Variants in BIRC6 observed in about 807,000 individuals in gnomAD.
BIRC6 encodes the protein baculoviral IAP repeat containing 6.
A neutral mutation model predicts 503.3 loss-of-function variants in BIRC6; 98 were observed. The ratio of observed to expected loss-of-function variants is 0.19; its 90% CI spans 0.17 to 0.23. The LOEUF (loss-of-function observed/expected upper bound fraction) is 0.23, where lower values mean the gene tolerates loss of function less well. Ranked by LOEUF, BIRC6 falls within the 10% of genes least tolerant of loss-of-function variation. The pLI is 1.00. For synonymous variants in BIRC6, 2,240 were observed against 2,078.7 expected (o/e 1.08, Z -2.11); for missense variants, 5,360 against 5,806.0 (o/e 0.92, Z 2.50).
At chr2:32,431,153 T>A in intron 12 of BIRC6, 63 bp downstream of exon 12, 1 of 774,180 alleles carries the variant, frequency 1.3e-6, no homozygotes, top group Non-Finnish European at 2.1e-6. Flanking sequence ...AGAGACAACG[T>A]AGAATTCCTA....
At chr2:32,483,406 T>A (rs1254464103) in intron 39 of BIRC6, among the ~76,000 whole-genome samples, 4 of 152,196 alleles carry the variant, frequency 2.6e-5, no homozygotes, top group Admixed American at 2.6e-4. Context: ...CATTTGAGAG[T>A]ACGTTGGTAA....
intron 65 of BIRC6, among the ~76,000 whole-genome samples, chr2:32,553,247 A>G (rs1245582182): frequency 2.3e-5 from 3 of 129,002 alleles, no homozygotes; most frequent in Non-Finnish European, 4.8e-5. Context: ...TAAATTCCTG[A>G]TATTTCATCT....
chr2:32,542,440 TC>T (rs2057736854), intron 61 of BIRC6, among the ~76,000 whole-genome samples: 1 of 152,120 alleles, frequency 6.6e-6, no homozygotes, highest in Non-Finnish European at 1.5e-5. Flanking sequence ...CCCTCAGGCA[TC>T]AAAATTAATA....
intron 67 of BIRC6, 141 bp downstream of exon 67, chr2:32,594,201 A>C: frequency 1.1e-6 from 1 of 890,170 alleles, no homozygotes; most frequent in Non-Finnish European, 1.7e-6. Context: ...GTTCTCTGTT[A>C]GATTTTGTTC....
chr2:32,490,508 C>T (rs1250087844), intron 43 of BIRC6, among the ~76,000 whole-genome samples: 1 of 152,170 alleles, frequency 6.6e-6, no homozygotes, highest in African/African-American at 2.4e-5. Flanking sequence ...GCACACCAGC[C>T]TAGGTGACAG....
At chr2:32,374,084 A>G (rs754731773) in intron 1 of BIRC6, among the ~76,000 whole-genome samples, 4 of 152,216 alleles carry the variant, frequency 2.6e-5, no homozygotes, top group Non-Finnish European at 5.9e-5. Context: ...TTTAAAGCGT[A>G]CAGAGTTTCC....
At chr2:32,378,044 A>G (rs1327276989) in intron 2 of BIRC6, among the ~76,000 whole-genome samples, 1 of 152,172 alleles carries the variant, frequency 6.6e-6, no homozygotes, top group African/African-American at 2.4e-5. Flanking sequence ...CTTAAACAGG[A>G]TAGCTTGTTT....
intron 69 of BIRC6, 22 bp from the exon 70 acceptor site, chr2:32,599,717 T>C (rs2061927414): frequency 1.9e-6 from 3 of 1,601,384 alleles, no homozygotes; most frequent in Non-Finnish European, 2.6e-6. Flanking sequence ...ACATAGACTT[T>C]TGTATGTTTA....
intron 6 of BIRC6, among the ~76,000 whole-genome samples, chr2:32,398,065 G>T (rs1202016177): frequency 6.6e-6 from 1 of 152,092 alleles, no homozygotes; most frequent in African/African-American, 2.4e-5. Context: ...AATTGTAAAG[G>T]GGAAAGGAAA....
At position 32,477,439 on chromosome 2, in the gene BIRC6, A is replaced by C. The variant is rs1416648313; in HGVS notation, c.6924A>C (p.Thr2308=). Residue 2308 remains threonine (T), a synonymous_variant, in exon 35 of 74, where the codon ACA becomes ACC. Coordinates refer to ENST00000421745, the MANE Select transcript of BIRC6 (RefSeq NM_016252.4). ...WSRSNLDTEV[T]TAKESPEIEP... ...GTTCTAATTTAGACACAGAAGTTAC[A>C]ACAGCAAAAGAAAGTCCTGAGATAG... 6.2e-7 allele frequency: 1 copy of C among 1,614,020 alleles called. No homozygotes were observed. Among genetic ancestry groups the C allele is most frequent in the Non-Finnish European group, 8.5e-7 (1 of 1,179,896 alleles).
chr2:32,595,028 T>TA lies in BIRC6; in HGVS notation c.13502-4dup. ...ATGTTATTTATCTTGAAATATTAAA[T>TA]AACAGAAAAAAAACTGGGTGAATAC... On this transcript the variant is annotated splice_polypyrimidine_tract_variant and splice_region_variant and intron_variant, in intron 67 of 73. Coordinates refer to ENST00000421745, the MANE Select transcript of BIRC6 (RefSeq NM_016252.4). 6.5e-7 allele frequency: 1 copy of TA among 1,530,890 alleles called. No individual in the cohort carries two copies. The highest frequency in any genetic ancestry group is 8.9e-7 in the Non-Finnish European group (1 of 1,127,644). 94.8% of individuals were successfully genotyped at this position (1,530,890 alleles called of 1,614,324 possible). A position where few individuals can be genotyped will look rare whatever the true frequency, so the allele number is the denominator to read the frequency against.
At chr2:32,384,474 TATA>T (rs1308995748) in intron 3 of BIRC6, among the ~76,000 whole-genome samples, 1 of 152,074 alleles carries the variant, frequency 6.6e-6, no homozygotes, top group Admixed American at 6.6e-5. Flanking sequence ...CAATGGACTA[TATA>T]ATATTACGGC....
chr2:32,578,195 C>G (rs529721769), intron 66 of BIRC6, among the ~76,000 whole-genome samples: 6 of 152,228 alleles, frequency 3.9e-5, no homozygotes, highest in African/African-American at 9.6e-5. Flanking sequence ...TTCAGCTTCA[C>G]AGAGAGAGTA....
intron 69 of BIRC6, among the ~76,000 whole-genome samples, chr2:32,599,352 T>C (rs1014480997): frequency 6.0e-5 from 9 of 150,676 alleles, no homozygotes; most frequent in African/African-American, 2.2e-4. Context: ...AAGCTGTTCT[T>C]ATTTTGGCCA....
intron 59 of BIRC6, 65 bp from the exon 60 acceptor site, chr2:32,529,583 GATA>G: frequency 6.0e-6 from 8 of 1,340,724 alleles, no homozygotes; most frequent in Non-Finnish European, 7.0e-6. Flanking sequence ...AGTAAAAGCA[GATA>G]ATAATTAAAC....
intron 24 of BIRC6, 36 bp from the exon 25 acceptor site, chr2:32,464,473 A>T: frequency 6.6e-7 from 1 of 1,515,370 alleles, no homozygotes; most frequent in Non-Finnish European, 8.9e-7. Context: ...GGTAGGCAGG[A>T]TTAGTCTATA....
chr2:32,457,980 G>A (rs1292971636), intron 23 of BIRC6, among the ~76,000 whole-genome samples: 1 of 151,890 alleles, frequency 6.6e-6, no homozygotes, highest in African/African-American at 2.4e-5. Context: ...TGAAACCAGT[G>A]TTGTTGTAAA....
chr2:32,445,246 C>T (rs966753439), intron 20 of BIRC6, among the ~76,000 whole-genome samples: 1 of 152,222 alleles, frequency 6.6e-6, no homozygotes, highest in African/African-American at 2.4e-5. Flanking sequence ...AATAAATACA[C>T]ATTATTATAC....
intron 65 of BIRC6, chr2:32,565,621 A>G (rs2059484925): frequency 6.6e-6 from 1 of 152,236 alleles, no homozygotes; most frequent in African/African-American, 2.4e-5. Flanking sequence ...TCTATGTATA[A>G]CAAGTAAATA....
Sources: gnomAD v4.1 joint callset for allele counts (sites outside exome capture counted in the v4.1 genomes callset) on GRCh38, gnomAD v4.1.1 for gene constraint, MANE v1.5 for transcripts, NCBI Gene and HGNC (gene_info 2026-07-23, HGNC 2026-07-21) for gene names.